PRKAR2A: variants seen among roughly 807,000 people sequenced by gnomAD.
PRKAR2A encodes protein kinase cAMP-dependent type II regulatory subunit alpha.
In PRKAR2A, 29 loss-of-function variants were observed where a neutral mutation model predicts 51.9. The ratio of observed to expected loss-of-function variants is 0.56; its 90% CI spans 0.42 to 0.76. PRKAR2A has a LOEUF of 0.76. Ranked by LOEUF, PRKAR2A falls within the 30% of genes least tolerant of loss-of-function variation. The pLI, the probability that PRKAR2A is intolerant of heterozygous loss-of-function variation, is 0.00. For missense variants in PRKAR2A, 445 were observed against 512.1 expected, an observed-to-expected ratio of 0.87 and a Z score of 1.26; for synonymous variants, 178 against 186.2, an observed-to-expected ratio of 0.96 and a Z score of 0.36.
intron 9 of PRKAR2A, among the ~76,000 whole-genome samples, chr3:48,752,613 A>G (rs1194955081): frequency 1.3e-5 from 2 of 152,198 alleles, no homozygotes; most frequent in African/African-American, 2.4e-5. Flanking sequence ...TGCTTCTCTT[A>G]GGTAATGAGC....
intron 1 of PRKAR2A, among the ~76,000 whole-genome samples, chr3:48,812,596 C>T (rs144070260): frequency 0.01 from 1,592 of 152,004 alleles, 12 homozygotes; most frequent in Non-Finnish European, 0.018. Flanking sequence ...CATTCTCCTG[C>T]GTCAGCCTCC....
At chr3:48,829,863 ATATATATATTTT>A (rs1244441161) in intron 1 of PRKAR2A, among the ~76,000 whole-genome samples, 7 of 82,458 alleles carry the variant, frequency 8.5e-5, no homozygotes, top group Middle Eastern at 5.7e-3. Context: ...ATATATATAT[ATATATATATTTT>A]TTTTTTTTTT....
chr3:48,785,258 ATTT>A (rs1198962303), intron 4 of PRKAR2A, among the ~76,000 whole-genome samples: 2 of 123,866 alleles, frequency 1.6e-5, no homozygotes, highest in Non-Finnish European at 1.7e-5. Context: ...GGCCTGGATA[ATTT>A]TTTTTTTTTT....
chr3:48,825,957 T>G (rs562335351), intron 1 of PRKAR2A, among the ~76,000 whole-genome samples: 1 of 152,310 alleles, frequency 6.6e-6, no homozygotes, highest in South Asian at 2.1e-4. Context: ...CCAGGCCACC[T>G]GTACTTCTAA....
At chr3:48,746,352 C>CT (rs1354700729), downstream of PRKAR2A, among the ~76,000 whole-genome samples, 11 of 68,808 alleles carry the variant, frequency 1.6e-4, no homozygotes, top group South Asian at 5.1e-4. Flanking sequence ...GATCCTGTCA[C>CT]TAAAAAAAAA....
At chr3:48,779,896 T>G (rs1205756826) in intron 5 of PRKAR2A, among the ~76,000 whole-genome samples, 1 of 151,886 alleles carries the variant, frequency 6.6e-6, no homozygotes, top group Admixed American at 6.6e-5. Context: ...GTGCGGTGGC[T>G]CATGCCTGTA....
At chr3:48,815,597 G>A (rs1483875413) in intron 1 of PRKAR2A, among the ~76,000 whole-genome samples, 7 of 151,240 alleles carry the variant, frequency 4.6e-5, no homozygotes, top group African/African-American at 1.7e-4. Context: ...GGAGGCTGAC[G>A]CAGGAGAATC....
At position 48,791,592 on chromosome 3, in the gene PRKAR2A, CAAAAAA is replaced by C. The variant is rs35978535; in HGVS notation, c.352-971_352-966del. ...CTGGCGACAGAGCAAGATTCCGTCT[CAAAAAA>C]AAAAAAAAAAAAAAAAAGCTGGGCA... is the stretch of plus-strand genomic sequence containing the variant. On this transcript the variant is annotated intron_variant, in intron 3 of 10. Transcript: ENST00000265563. 2.9e-4 allele frequency among the ~76,000 whole-genome samples: 12 copies of C among 41,828 alleles called. No homozygotes were observed. The South Asian group carries it at 4.2e-3, about 15-fold the overall frequency. The allele number at this position is 41,828 out of a possible 152,430, so 27.4% of individuals were successfully genotyped here. A position where few individuals can be genotyped will look rare whatever the true frequency, so the allele number is the denominator to read the frequency against.
chr3:48,804,234 G>A (rs1249071761), intron 2 of PRKAR2A, among the ~76,000 whole-genome samples: 1 of 152,160 alleles, frequency 6.6e-6, no homozygotes, highest in East Asian at 1.9e-4. Flanking sequence ...GCCAAGCTAA[G>A]TGGATTGCTT....
chr3:48,769,519 C>T (rs1355591209), intron 6 of PRKAR2A, among the ~76,000 whole-genome samples: 1 of 151,740 alleles, frequency 6.6e-6, no homozygotes, highest in Non-Finnish European at 1.5e-5. Context: ...TCTTGTTGAC[C>T]AGGTTGGAGT....
At chr3:48,761,853 A>C (rs1158844496) in intron 8 of PRKAR2A, among the ~76,000 whole-genome samples, 1 of 152,182 alleles carries the variant, frequency 6.6e-6, no homozygotes, top group Non-Finnish European at 1.5e-5. Context: ...CCTGGCCTCA[A>C]GTTATCTGCC....
intron 4 of PRKAR2A, among the ~76,000 whole-genome samples, chr3:48,790,278 A>G (rs1403077312): frequency 6.6e-6 from 1 of 152,110 alleles, no homozygotes; most frequent in Non-Finnish European, 1.5e-5. Flanking sequence ...TCCATTTAGT[A>G]TTTTTGGACT....
intron 1 of PRKAR2A, among the ~76,000 whole-genome samples, chr3:48,833,568 T>G (rs1028827668): frequency 6.8e-6 from 1 of 146,368 alleles, no homozygotes; most frequent in African/African-American, 2.5e-5. Context: ...ATTAGCCGGA[T>G]GTGGTGTCAG....
intron 1 of PRKAR2A, among the ~76,000 whole-genome samples, chr3:48,814,071 A>T (rs570774539): frequency 6.6e-6 from 1 of 152,226 alleles, no homozygotes; most frequent in East Asian, 1.9e-4. Flanking sequence ...AACATGGTGA[A>T]ACCCTGTCCC....
At chr3:48,830,945 G>A (rs1313404541) in intron 1 of PRKAR2A, among the ~76,000 whole-genome samples, 7 of 152,256 alleles carry the variant, frequency 4.6e-5, no homozygotes, top group East Asian at 3.9e-4. Flanking sequence ...AGGAGATGGA[G>A]CTCAGGCGGT....
intron 2 of PRKAR2A, among the ~76,000 whole-genome samples, chr3:48,798,673 T>G (rs1015431584): frequency 2.6e-5 from 4 of 151,684 alleles, no homozygotes; most frequent in Non-Finnish European, 5.9e-5. Flanking sequence ...ATTTTTTTTT[T>G]TTTTTTTGAG....
intron 1 of PRKAR2A, among the ~76,000 whole-genome samples, chr3:48,809,401 G>C (rs918798245): frequency 2.0e-5 from 3 of 151,538 alleles, no homozygotes; most frequent in African/African-American, 4.9e-5. Context: ...GACTAGCCTG[G>C]CAAACATGGT....
At chr3:48,802,097 T>C (rs1382477243) in intron 2 of PRKAR2A, among the ~76,000 whole-genome samples, 2 of 151,868 alleles carry the variant, frequency 1.3e-5, no homozygotes, top group Non-Finnish European at 2.9e-5. Context: ...TTAGTAGAGA[T>C]GGGGTTTCAC....
chr3:48,782,095 T>C (rs892453480), intron 5 of PRKAR2A, among the ~76,000 whole-genome samples: 2 of 152,212 alleles, frequency 1.3e-5, no homozygotes, highest in African/African-American at 2.4e-5. Flanking sequence ...CAATATCTTA[T>C]TGGTGTTAAA....
Sources: allele counts gnomAD v4.1 joint callset (sites outside exome capture counted in the v4.1 genomes callset), GRCh38; gene constraint gnomAD v4.1.1; transcripts MANE v1.5; gene names NCBI Gene and HGNC (gene_info 2026-07-23, HGNC 2026-07-21).